The following FNDC3B variants were observed in gnomAD, a reference collection of about 807,000 sequenced individuals.
FNDC3B encodes the protein fibronectin type III domain containing 3B.
Under a neutral mutation model 151.5 loss-of-function variants are expected in FNDC3B, and 12 were observed. That is an observed-to-expected ratio of 0.08 (90% CI 0.05 to 0.13). The LOEUF (loss-of-function observed/expected upper bound fraction) is 0.13. Among genes scored for constraint, FNDC3B ranks in the 10% least tolerant of loss-of-function variants. The probability of loss-of-function intolerance (pLI) is 1.00; values close to 1 mark genes in which losing one functional copy is unlikely to be tolerated. For synonymous variants in FNDC3B, 528 were observed against 549.0 expected, an observed-to-expected ratio of 0.96 and a Z score of 0.54; for missense variants, 1,214 against 1,505.3, an observed-to-expected ratio of 0.81 and a Z score of 3.20.
chr3:172,167,217 G>A (rs1171202320), intron 3 of FNDC3B, among the ~76,000 whole-genome samples: 4 of 152,132 alleles, frequency 2.6e-5, no homozygotes, highest in East Asian at 3.9e-4. Flanking sequence ...CCAACATGGC[G>A]AAACCCCATC....
At chr3:172,165,068 C>T (rs528005279) in intron 3 of FNDC3B, among the ~76,000 whole-genome samples, 2 of 152,318 alleles carry the variant, frequency 1.3e-5, no homozygotes, top group Non-Finnish European at 1.5e-5. Context: ...GGCTGGAGTG[C>T]AGTGGCACGA....
At chr3:172,296,566 C>G (rs1030308171) in intron 8 of FNDC3B, among the ~76,000 whole-genome samples, 2 of 152,238 alleles carry the variant, frequency 1.3e-5, no homozygotes, top group African/African-American at 4.8e-5. Context: ...GAAACAAACT[C>G]AGGCCAGATC....
chr3:172,106,708 GC>G (rs1178709572), intron 1 of FNDC3B, among the ~76,000 whole-genome samples: 9 of 152,170 alleles, frequency 5.9e-5, no homozygotes, highest in Non-Finnish European at 1.2e-4. Context: ...GTATATAATT[GC>G]TTTGGCCCTT....
intron 7 of FNDC3B, among the ~76,000 whole-genome samples, chr3:172,288,733 A>T (rs1428990934): frequency 6.6e-6 from 1 of 152,186 alleles, no homozygotes; most frequent in African/African-American, 2.4e-5. Context: ...AACTTGCCAA[A>T]ATACTACACC....
chr3:172,242,575 C>T (rs563494533), intron 4 of FNDC3B, among the ~76,000 whole-genome samples: 25 of 152,294 alleles, frequency 1.6e-4, no homozygotes, highest in African/African-American at 5.8e-4. Flanking sequence ...GTACCTTGGC[C>T]CCTTTCAGTC....
At chr3:172,386,496 C>G (rs1576968319) in intron 25 of FNDC3B, among the ~76,000 whole-genome samples, 1 of 152,070 alleles carries the variant, frequency 6.6e-6, no homozygotes, top group Non-Finnish European at 1.5e-5. Flanking sequence ...TAATCCCAGC[C>G]CTTTGGGAGG....
At position 172,345,054 on chromosome 3, in the gene FNDC3B, T is replaced by A. The variant is rs759606506; in HGVS notation, c.2250+796T>A. On this transcript the variant is annotated intron_variant, in intron 19 of 25. Transcript: ENST00000415807. ...TAGAATTAATTAATTGATGATTTTTTAAAAAAATAAGACAGCCCAACTTGC... is the reference window on the plus strand; with the variant it reads ...TAGAATTAATTAATTGATGATTTTTAAAAAAAATAAGACAGCCCAACTTGC... Among the ~76,000 whole-genome samples, 20 of 152,254 alleles carry A rather than the reference T, an allele frequency of 1.3e-4. No homozygotes were observed. In the East Asian group the frequency reaches 1.9e-3, roughly 15 times the overall value.
chr3:172,202,944 G>A (rs1354413468), intron 3 of FNDC3B, among the ~76,000 whole-genome samples: 1 of 152,146 alleles, frequency 6.6e-6, no homozygotes, highest in Non-Finnish European at 1.5e-5. Context: ...AGTCTCTGAT[G>A]CATACTCTTT....
chr3:172,061,933 A>G (rs950667523), intron 1 of FNDC3B, among the ~76,000 whole-genome samples: 1 of 152,222 alleles, frequency 6.6e-6, no homozygotes, highest in Non-Finnish European at 1.5e-5. Flanking sequence ...CTAATGCATG[A>G]TGCATAAACC....
chr3:172,299,214 T>C (rs1232364452), intron 9 of FNDC3B, among the ~76,000 whole-genome samples: 1 of 152,210 alleles, frequency 6.6e-6, no homozygotes, highest in Non-Finnish European at 1.5e-5. Context: ...CCTTAAAAGC[T>C]GGTAGATTTT....
chr3:172,211,201 G>A (rs1725717524), intron 3 of FNDC3B, among the ~76,000 whole-genome samples: 1 of 152,232 alleles, frequency 6.6e-6, no homozygotes, highest in African/African-American at 2.4e-5. Flanking sequence ...TAAGCAGTGA[G>A]TACAGTGCTG....
intron 4 of FNDC3B, among the ~76,000 whole-genome samples, chr3:172,239,580 A>T (rs1001189404): frequency 1.3e-5 from 2 of 151,992 alleles, no homozygotes; most frequent in African/African-American, 4.8e-5. Context: ...CATTTCCTGG[A>T]TCATCCTGGG....
chr3:172,249,887 T>C (rs1727979378), intron 5 of FNDC3B, among the ~76,000 whole-genome samples: 1 of 152,236 alleles, frequency 6.6e-6, no homozygotes, highest in South Asian at 2.1e-4. Context: ...ACAGCAGTTT[T>C]GTTAAATTAT....
chr3:172,366,138 T>TA (rs1389972198), intron 23 of FNDC3B, among the ~76,000 whole-genome samples: 2 of 152,208 alleles, frequency 1.3e-5, no homozygotes, highest in Non-Finnish European at 1.5e-5. Flanking sequence ...AGTAACTACT[T>TA]AATGTCCAAA....
chr3:172,264,898 C>T (rs1728842613), intron 6 of FNDC3B, among the ~76,000 whole-genome samples: 1 of 152,136 alleles, frequency 6.6e-6, no homozygotes, highest in Non-Finnish European at 1.5e-5. Flanking sequence ...GTGCATGGTC[C>T]AGTTGCTAGA....
intron 1 of FNDC3B, among the ~76,000 whole-genome samples, chr3:172,056,318 GA>G (rs1461507468): frequency 6.6e-6 from 1 of 152,116 alleles, no homozygotes; most frequent in Non-Finnish European, 1.5e-5. Context: ...TTTTTCATGA[GA>G]AAGCATAGAA....
At chr3:172,322,818 T>G (rs946890193) in intron 11 of FNDC3B, among the ~76,000 whole-genome samples, 15 of 152,120 alleles carry the variant, frequency 9.9e-5, no homozygotes, top group Non-Finnish European at 2.2e-4. Flanking sequence ...AGCCAGCCAG[T>G]GAGACATGCC....
At chr3:172,210,935 T>C (rs368122500) in intron 3 of FNDC3B, among the ~76,000 whole-genome samples, 1 of 152,186 alleles carries the variant, frequency 6.6e-6, no homozygotes, top group Non-Finnish European at 1.5e-5. Flanking sequence ...TCTTAGTGAG[T>C]TGAGATTTTG....
intron 5 of FNDC3B, among the ~76,000 whole-genome samples, chr3:172,248,273 G>T (rs1727885322): frequency 6.6e-6 from 1 of 152,164 alleles, no homozygotes; most frequent in Non-Finnish European, 1.5e-5. Flanking sequence ...TGTGATGCTG[G>T]CAGAACTCAA....
Sources: allele counts gnomAD v4.1 joint callset (sites outside exome capture counted in the v4.1 genomes callset), GRCh38; gene constraint gnomAD v4.1.1; transcripts MANE v1.5; gene names NCBI Gene and HGNC (gene_info 2026-07-23, HGNC 2026-07-21).